The following TMEM132C variants were observed in gnomAD, a reference collection of about 807,000 sequenced individuals.
TMEM132C encodes transmembrane protein 132C, also known as protein phosphatase 1, regulatory subunit 152.
Under a neutral mutation model 61.4 loss-of-function variants are expected in TMEM132C, and 29 were observed. The ratio of observed to expected loss-of-function variants is 0.47; its 90% CI spans 0.35 to 0.64. The LOEUF is 0.64. TMEM132C is among the 30% of genes least tolerant of loss of function. The probability of loss-of-function intolerance (pLI) is 0.00; values close to 1 mark genes in which losing one functional copy is unlikely to be tolerated. For synonymous variants in TMEM132C, 656 were observed against 633.1 expected, an observed-to-expected ratio of 1.04 and a Z score of -0.54; for missense variants, 1,408 against 1,476.9, an observed-to-expected ratio of 0.95 and a Z score of 0.76.
chr12:128,444,080 C>T (rs1430435096), intron 2 of TMEM132C, among the ~76,000 whole-genome samples: 20 of 152,280 alleles, frequency 1.3e-4, no homozygotes, highest in African/African-American at 3.1e-4. Flanking sequence ...CACACCACCA[C>T]GCGCAGCTAA....
chr12:128,321,828 C>A (rs1301385315), intron 1 of TMEM132C, among the ~76,000 whole-genome samples: 1 of 152,178 alleles, frequency 6.6e-6, no homozygotes, highest in African/African-American at 2.4e-5. Context: ...TAAAAACTTT[C>A]AGTTCAAGAA....
chr12:128,662,599 A>G (rs1167224202), intron 4 of TMEM132C, among the ~76,000 whole-genome samples: 2 of 152,182 alleles, frequency 1.3e-5, no homozygotes, highest in African/African-American at 4.8e-5. Context: ...ATGTCCCCAG[A>G]CAAGTCAGTC....
At chr12:128,315,617 C>G (rs1194506458) in intron 1 of TMEM132C, among the ~76,000 whole-genome samples, 1 of 152,112 alleles carries the variant, frequency 6.6e-6, no homozygotes, top group Non-Finnish European at 1.5e-5. Flanking sequence ...ATGTGTGTCT[C>G]AGTGCACTGG....
intron 1 of TMEM132C, among the ~76,000 whole-genome samples, chr12:128,381,662 C>G (rs1398961049): frequency 6.6e-6 from 1 of 152,172 alleles, no homozygotes; most frequent in African/African-American, 2.4e-5. Context: ...GGCACAGTCA[C>G]TGGGCTGCAG....
chr12:128,447,751 G>A (rs1393345272), intron 2 of TMEM132C, among the ~76,000 whole-genome samples: 9 of 71,096 alleles, frequency 1.3e-4, no homozygotes, highest in Non-Finnish European at 6.9e-5. Flanking sequence ...ACGGAGTCTC[G>A]CTCTGTCGCC....
chr12:128,271,272 TAATAATAATAATAATA>T (rs1566037279), intron 1 of TMEM132C, among the ~76,000 whole-genome samples: 3 of 31,952 alleles, frequency 9.4e-5, no homozygotes, highest in African/African-American at 6.7e-4. Context: ...AATAATATAA[TAATAATAATAATAATA>T]ATAATAATAA....
intron 1 of TMEM132C, chr12:128,288,724 C>T (rs1871155175): frequency 6.6e-6 from 1 of 152,132 alleles, no homozygotes. Flanking sequence ...TGGGTCAAAC[C>T]CACTGTAGTC....
intron 3 of TMEM132C, among the ~76,000 whole-genome samples, chr12:128,567,195 G>C (rs1201120331): frequency 6.6e-6 from 1 of 152,092 alleles, no homozygotes; most frequent in African/African-American, 2.4e-5. Flanking sequence ...TCTCCTTCAA[G>C]GAGTGTTTCA....
At chr12:128,458,951 G>C (rs1352593250) in intron 2 of TMEM132C, among the ~76,000 whole-genome samples, 1 of 152,338 alleles carries the variant, frequency 6.6e-6, no homozygotes, top group African/African-American at 2.4e-5. Flanking sequence ...CCAGTGGCCA[G>C]GTGGCCCAGC....
rs202078860 is a variant in TMEM132C, at chr12:128,541,569, T to A, written c.975-2388T>A. On this transcript the variant is annotated intron_variant, in intron 2 of 8. Coordinates refer to ENST00000435159, the MANE Select transcript of TMEM132C (RefSeq NM_001136103.3). ...TATTCCCAGGATTTTAGGAGCTGTA[T>A]GCCAGGAAACAGGGATGAGTACCAG... Among the ~76,000 whole-genome samples, 3 of 152,366 alleles carry A rather than the reference T, an allele frequency of 2.0e-5. No homozygotes were observed. The East Asian group carries it at 5.8e-4, about 29-fold the overall frequency.
intron 2 of TMEM132C, among the ~76,000 whole-genome samples, chr12:128,531,022 G>A (rs948634448): frequency 6.6e-6 from 1 of 152,218 alleles, no homozygotes; most frequent in African/African-American, 2.4e-5. Context: ...TTCAATGAAA[G>A]AAGAGAAGGA....
At chr12:128,331,072 C>T (rs952259957) in intron 1 of TMEM132C, among the ~76,000 whole-genome samples, 1 of 152,074 alleles carries the variant, frequency 6.6e-6, no homozygotes, top group Non-Finnish European at 1.5e-5. Flanking sequence ...TGCACCCTCC[C>T]CAGAGGATAC....
At chr12:128,486,356 A>C (rs774200662) in intron 2 of TMEM132C, among the ~76,000 whole-genome samples, 4 of 152,110 alleles carry the variant, frequency 2.6e-5, no homozygotes, top group Non-Finnish European at 5.9e-5. Context: ...GGGGGAATCT[A>C]CCCTTTCTCA....
chr12:128,667,555 A>G (rs1954491256), intron 4 of TMEM132C, among the ~76,000 whole-genome samples: 1 of 152,144 alleles, frequency 6.6e-6, no homozygotes, highest in African/African-American at 2.4e-5. Flanking sequence ...TAAAACTCAT[A>G]ACTCTTTTAG....
chr12:128,379,427 A>G (rs749810274), intron 1 of TMEM132C, among the ~76,000 whole-genome samples: 8 of 152,196 alleles, frequency 5.3e-5, no homozygotes, highest in Non-Finnish European at 1.0e-4. Flanking sequence ...GGACTGCTAT[A>G]ACAAATGGCA....
At chr12:128,410,113 T>C (rs1347311390) in intron 1 of TMEM132C, among the ~76,000 whole-genome samples, 1 of 152,036 alleles carries the variant, frequency 6.6e-6, no homozygotes, top group Non-Finnish European at 1.5e-5. Context: ...AAGGAAGAAA[T>C]GAGGAATTAA....
At chr12:128,547,961 C>T (rs1043451030) in intron 3 of TMEM132C, among the ~76,000 whole-genome samples, 1 of 152,312 alleles carries the variant, frequency 6.6e-6, no homozygotes, top group East Asian at 1.9e-4. Context: ...GCCCTTTGCC[C>T]ACATGACCGC....
At chr12:128,620,223 A>G (rs1448823160) in intron 4 of TMEM132C, among the ~76,000 whole-genome samples, 1 of 119,076 alleles carries the variant, frequency 8.4e-6, no homozygotes, top group Admixed American at 9.2e-5. Flanking sequence ...ACAGAATGAG[A>G]CCCTGTCTCA....
In TMEM132C at chr12:128,705,179, C is replaced by T; in HGVS notation, c.2211C>T (p.Ala737=). The part of the protein sequence containing the change: ...IYDTKDFSLA[A]TSQDEAVVSV... ...ACACCAAGGACTTCTCCCTGGCAGCCACCTCCCAGGACGAGGCTGTCGTGT... is the reference window on the plus strand; with the variant it reads ...ACACCAAGGACTTCTCCCTGGCAGCTACCTCCCAGGACGAGGCTGTCGTGT... Residue 737 remains alanine (A), a synonymous_variant, in exon 9 of 9, where the codon GCC becomes GCT. Transcript: ENST00000435159. 6.4e-7 allele frequency: 1 copy of T among 1,551,736 alleles called. No individual in the cohort carries two copies. The highest frequency in any genetic ancestry group is 8.7e-7 in the Non-Finnish European group (1 of 1,146,998).
Sources: gnomAD v4.1 joint callset for allele counts (sites outside exome capture counted in the v4.1 genomes callset) on GRCh38, gnomAD v4.1.1 for gene constraint, MANE v1.5 for transcripts, NCBI Gene and HGNC (gene_info 2026-07-23, HGNC 2026-07-21) for gene names.